FAM149A: variants seen among roughly 807,000 people sequenced by gnomAD.
FAM149A encodes the protein family with sequence similarity 149 member A, also known as protein FAM149A.
A neutral mutation model predicts 78.2 loss-of-function variants in FAM149A; 71 were observed. The ratio of observed to expected loss-of-function variants is 0.91; its 90% CI spans 0.75 to 1.11. The LOEUF is 1.11. Among genes scored for constraint, FAM149A ranks in the 50% least tolerant of loss-of-function variants. The pLI is 0.00. For synonymous variants in FAM149A, 446 were observed against 410.5 expected, an observed-to-expected ratio of 1.09 and a Z score of -1.04; for missense variants, 1,036 against 971.0, an observed-to-expected ratio of 1.07 and a Z score of -0.89.
Position 186,174,919 on chromosome 4 carries a change from TAAA to T in FAM149A, c.*2936_*2938del, listed in dbSNP as rs1188092418. Among the ~76,000 whole-genome samples the T allele has an allele frequency of 1.8e-5, 2 of 111,510 alleles. 1 individual carries two copies. The highest frequency in any genetic ancestry group is 5.6e-5 in the African/African-American group (2 of 35,812). 73.2% of individuals were successfully genotyped at this position (111,510 alleles called of 152,430 possible). The stretch of plus-strand genomic sequence containing the variant: ...ACCTTAGAATTAATCTATTAAAAAT[TAAA>T]AAAGAAAAATTGAACTACTTCTGAG... On this transcript the variant is annotated 3_prime_UTR_variant, in exon 14 of 14. Transcript: ENST00000389354.
At chr4:186,118,546 T>G (rs182079067) in intron 1 of FAM149A, among the ~76,000 whole-genome samples, 16 of 152,240 alleles carry the variant, frequency 1.1e-4, no homozygotes, top group Non-Finnish European at 7.3e-5. Context: ...AAAAATGATC[T>G]GACACTACAG....
At chr4:186,133,578 A>G (rs533081383) in intron 1 of FAM149A, among the ~76,000 whole-genome samples, 32 of 152,294 alleles carry the variant, frequency 2.1e-4, no homozygotes, top group Middle Eastern at 3.4e-3. Context: ...ATGTATTAAT[A>G]TATACTACCT....
intron 1 of FAM149A, among the ~76,000 whole-genome samples, chr4:186,108,265 T>G (rs749002225): frequency 6.6e-6 from 1 of 152,134 alleles, no homozygotes; most frequent in East Asian, 1.9e-4. Flanking sequence ...TGAATACATA[T>G]AAAGGAAACC....
intron 13 of FAM149A, among the ~76,000 whole-genome samples, chr4:186,170,537 A>G (rs545371330): frequency 2.0e-5 from 3 of 152,224 alleles, no homozygotes; most frequent in African/African-American, 4.8e-5. Flanking sequence ...ACCCCCGCCT[A>G]GAACCAGCCA....
At position 186,144,728 on chromosome 4, in the gene FAM149A, C is replaced by CGGCG; in HGVS notation, c.567-4445_567-4444insGGCG. 1 of 255,138 alleles carries CGGCG rather than the reference C, an allele frequency of 3.9e-6. No homozygotes were observed. Among genetic ancestry groups the CGGCG allele is most frequent in the South Asian group, 1.7e-4 (1 of 5,896 alleles). The allele number at this position is 255,138 out of a possible 1,614,324, so 15.8% of individuals were successfully genotyped here. On this transcript the variant is annotated intron_variant, in intron 1 of 13. Transcript: ENST00000389354. This position sits in a 1 kb window ranked among gnomAD's most constrained non-coding sequence, Gnocchi z 4.2. ...CGCTTTCCCGGAGGTCGGCGCGGGG[C>CGGCG]CGGGGCCGGGGCCGGGGCCCGGAGC...
At chr4:186,146,485 G>A (rs545452545) in intron 1 of FAM149A, 43 of 985,198 alleles carry the variant, frequency 4.4e-5, no homozygotes, top group African/African-American at 1.0e-4. Flanking sequence ...GAGTTCCTCC[G>A]TTTTGTAAAT....
intron 13 of FAM149A, among the ~76,000 whole-genome samples, chr4:186,168,495 A>G (rs573764314): frequency 1.3e-5 from 2 of 152,294 alleles, no homozygotes; most frequent in East Asian, 3.9e-4. Context: ...AGCTGGGATT[A>G]CAGGCACATG....
chr4:186,155,348 T>A (rs989930837), intron 6 of FAM149A, among the ~76,000 whole-genome samples: 7 of 152,264 alleles, frequency 4.6e-5, no homozygotes, highest in Admixed American at 4.6e-4. Context: ...CATTAAAAAG[T>A]AACACTGATA....
intron 1 of FAM149A, chr4:186,122,648 C>G (rs1341505121): frequency 1.3e-5 from 2 of 156,080 alleles, no homozygotes; most frequent in Admixed American, 6.5e-5. Flanking sequence ...TCTTTCAACT[C>G]TTCCATGTTT....
At chr4:186,136,878 G>A (rs1202834030) in intron 1 of FAM149A, among the ~76,000 whole-genome samples, 3 of 151,636 alleles carry the variant, frequency 2.0e-5, no homozygotes, top group Admixed American at 2.0e-4. Flanking sequence ...CTGGCAGAAT[G>A]GCATTAACAG....
intron 1 of FAM149A, among the ~76,000 whole-genome samples, chr4:186,113,275 G>A (rs1340844991): frequency 8.5e-6 from 1 of 117,302 alleles, no homozygotes; most frequent in East Asian, 2.4e-4. Flanking sequence ...GTGTCTATTT[G>A]ATTCTTCTCT....
chr4:186,160,386 A>T (rs1734477127), intron 8 of FAM149A, among the ~76,000 whole-genome samples: 1 of 128,880 alleles, frequency 7.8e-6, no homozygotes, highest in African/African-American at 3.1e-5. Flanking sequence ...CACACACACC[A>T]CTCACACACA....
At chr4:186,136,356 A>G (rs1262447709) in intron 1 of FAM149A, among the ~76,000 whole-genome samples, 1 of 152,234 alleles carries the variant, frequency 6.6e-6, no homozygotes, top group Non-Finnish European at 1.5e-5. Flanking sequence ...TGGATATTAA[A>G]GAATGTCATT....
intron 1 of FAM149A, among the ~76,000 whole-genome samples, chr4:186,120,969 C>A (rs1044612687): frequency 6.7e-6 from 1 of 149,922 alleles, no homozygotes; most frequent in East Asian, 2.0e-4. Flanking sequence ...TTCTCCTGCC[C>A]CAGCCTCCCT....
At chr4:186,155,867 AAAG>A in intron 6 of FAM149A, 130 bp from the exon 7 acceptor site, 1 of 627,120 alleles carries the variant, frequency 1.6e-6, no homozygotes, top group Non-Finnish European at 2.4e-6. Context: ...ATATGTTAAA[AAAG>A]AACGATGCTG....
intron 8 of FAM149A, chr4:186,158,322 GT>G: frequency 8.3e-7 from 1 of 1,210,412 alleles, no homozygotes; most frequent in South Asian, 1.5e-5. Context: ...CCATTGCTCT[GT>G]GGAACACAGA....
At chr4:186,150,997 G>T in intron 3 of FAM149A, 1 of 984,566 alleles carries the variant, frequency 1.0e-6, no homozygotes, top group East Asian at 1.1e-4. Context: ...GAGCCACTGC[G>T]CCCAGCCTCT....
chr4:186,167,021 A>C lies in FAM149A; in HGVS notation c.2064A>C (p.Thr688=). The C allele has an allele frequency of 6.2e-7, 1 of 1,614,174 alleles. No individual in the cohort carries two copies. Among genetic ancestry groups the C allele is most frequent in the Non-Finnish European group, 8.5e-7 (1 of 1,179,994 alleles). ...TGTTGAGTGCCATGCCTGACGGTACAGAACGATCGCGTCTTCGAGAAAGAA... is the reference window on the plus strand; with the variant it reads ...TGTTGAGTGCCATGCCTGACGGTACCGAACGATCGCGTCTTCGAGAAAGAA... Residue 688 remains threonine (T), a synonymous_variant, in exon 12 of 14, where the codon ACA becomes ACC. Transcript: ENST00000389354.
chr4:186,138,475 G>T (rs891288319), intron 1 of FAM149A, among the ~76,000 whole-genome samples: 15 of 152,186 alleles, frequency 9.9e-5, no homozygotes, highest in African/African-American at 3.6e-4. Context: ...TTCACGCAGG[G>T]TCCCCTAAAC....
Sources: gnomAD v4.1 joint callset for allele counts (sites outside exome capture counted in the v4.1 genomes callset) on GRCh38, gnomAD v4.1.1 for gene constraint, Gnocchi (gnomAD v3.1) non-coding constraint, MANE v1.5 for transcripts, NCBI Gene and HGNC (gene_info 2026-07-23, HGNC 2026-07-21) for gene names.